The following FAF1 variants were observed in gnomAD, a reference collection of about 807,000 sequenced individuals.
FAF1 encodes FAS-associated factor 1.
A neutral mutation model predicts 92.5 loss-of-function variants in FAF1; 25 were observed. The ratio of observed to expected loss-of-function variants is 0.27; its 90% CI spans 0.20 to 0.38. The LOEUF (loss-of-function observed/expected upper bound fraction) is 0.38. Among genes scored for constraint, FAF1 ranks in the 10% least tolerant of loss-of-function variants. The pLI, the probability that FAF1 is intolerant of heterozygous loss-of-function variation, is 1.00. For synonymous variants in FAF1, 234 were observed against 273.2 expected (o/e 0.86, Z 1.42); for missense variants, 636 against 793.3 (o/e 0.80, Z 2.38).
intron 14 of FAF1, 47 bp from the exon 15 acceptor site, chr1:50,535,504 T>C (rs1648430158): frequency 9.5e-7 from 1 of 1,056,242 alleles, no homozygotes; most frequent in Non-Finnish European, 1.4e-6. Context: ...ATTTTATATA[T>C]AACTTCAAAT....
chr1:50,499,216 G>A (rs1201366841), intron 15 of FAF1, among the ~76,000 whole-genome samples: 1 of 152,114 alleles, frequency 6.6e-6, no homozygotes, highest in Non-Finnish European at 1.5e-5. Flanking sequence ...AGGGGAAGGA[G>A]AATGGGGAGT....
At chr1:50,553,094 T>C (rs1649389274) in intron 13 of FAF1, among the ~76,000 whole-genome samples, 1 of 151,560 alleles carries the variant, frequency 6.6e-6, no homozygotes, top group Admixed American at 6.6e-5. Context: ...CTAAACAGGA[T>C]GAGGAATATG....
intron 1 of FAF1, among the ~76,000 whole-genome samples, chr1:50,899,501 T>A (rs1037668438): frequency 2.0e-5 from 3 of 152,186 alleles, no homozygotes; most frequent in African/African-American, 7.2e-5. Flanking sequence ...AGAGTCTCAC[T>A]CTGTCACCCA....
In FAF1 at chr1:50,762,671, C is replaced by T. The variant is rs1660376386; in HGVS notation, c.368-17896G>A. On this transcript the variant is annotated intron_variant, in intron 4 of 18. Coordinates refer to ENST00000396153, the MANE Select transcript of FAF1 (RefSeq NM_007051.3). ...GCTGAAACTGGATCCCTCCTTACAC[C>T]TTATACAAAAATTAATTCCAGATGG... is the stretch of plus-strand genomic sequence containing the variant. Among the ~76,000 whole-genome samples the T allele has an allele frequency of 2.0e-5, 3 of 152,154 alleles. No individual in the cohort carries two copies. In the South Asian group the frequency reaches 6.2e-4, roughly 32 times the overall value.
chr1:50,890,588 C>T (rs1360908778), intron 1 of FAF1, among the ~76,000 whole-genome samples: 1 of 152,150 alleles, frequency 6.6e-6, no homozygotes, highest in Non-Finnish European at 1.5e-5. Context: ...ATTTGCTTGT[C>T]TATAAAGGAT....
intron 1 of FAF1, among the ~76,000 whole-genome samples, chr1:50,896,053 A>T (rs1258174737): frequency 6.6e-6 from 1 of 152,238 alleles, no homozygotes; most frequent in Non-Finnish European, 1.5e-5. Context: ...TAGAGCAATC[A>T]GACAAGGGAA....
chr1:50,815,073 A>C (rs937846621), intron 2 of FAF1, among the ~76,000 whole-genome samples: 5 of 152,228 alleles, frequency 3.3e-5, no homozygotes, highest in South Asian at 2.1e-4. Context: ...AGATATTTTA[A>C]AATTATTTTT....
intron 7 of FAF1, among the ~76,000 whole-genome samples, chr1:50,665,893 C>T (rs1655595946): frequency 6.6e-6 from 1 of 151,992 alleles, no homozygotes; most frequent in Non-Finnish European, 1.5e-5. Flanking sequence ...GAAAAAAGAT[C>T]AGGCCAGGTG....
chr1:50,695,106 T>C (rs1657133329), intron 7 of FAF1, among the ~76,000 whole-genome samples: 1 of 152,078 alleles, frequency 6.6e-6, no homozygotes, highest in Admixed American at 6.6e-5. Flanking sequence ...TTAACTTTCC[T>C]AAATACTTTA....
At chr1:50,608,294 C>T (rs1343890230) in intron 8 of FAF1, among the ~76,000 whole-genome samples, 1 of 152,118 alleles carries the variant, frequency 6.6e-6, no homozygotes, top group African/African-American at 2.4e-5. Flanking sequence ...TTTGCCCTGT[C>T]CCTATTTTAG....
At chr1:50,687,476 G>A (rs1656718840) in intron 7 of FAF1, among the ~76,000 whole-genome samples, 2 of 152,058 alleles carry the variant, frequency 1.3e-5, no homozygotes, top group African/African-American at 4.8e-5. Context: ...CTGGCCGGGT[G>A]CGATGGCTCA....
chr1:50,532,575 G>T (rs1648233950), intron 15 of FAF1, among the ~76,000 whole-genome samples: 1 of 152,114 alleles, frequency 6.6e-6, no homozygotes, highest in Admixed American at 6.5e-5. Context: ...AAATGTCACT[G>T]TCAATTTATA....
At chr1:50,642,422 G>T (rs549719116) in intron 8 of FAF1, among the ~76,000 whole-genome samples, 1 of 151,934 alleles carries the variant, frequency 6.6e-6, no homozygotes, top group Admixed American at 6.6e-5. Flanking sequence ...AGGCCGACGC[G>T]GGGGGATCAC....
At chr1:50,880,976 C>A (rs1209215902) in intron 1 of FAF1, among the ~76,000 whole-genome samples, 1 of 152,048 alleles carries the variant, frequency 6.6e-6, no homozygotes, top group Admixed American at 6.6e-5. Flanking sequence ...AAAAGAATTA[C>A]CTGGATATAT....
chr1:50,659,856 T>G (rs1655296424), intron 7 of FAF1, among the ~76,000 whole-genome samples: 1 of 152,210 alleles, frequency 6.6e-6, no homozygotes, highest in Admixed American at 6.5e-5. Flanking sequence ...GACAATCGTT[T>G]GCAACTGAGA....
At chr1:50,938,225 C>T (rs60048959) in intron 1 of FAF1, among the ~76,000 whole-genome samples, 10,076 of 152,242 alleles carry the variant, frequency 0.066, 408 homozygotes, top group East Asian at 0.095. Context: ...CAGGACTCTA[C>T]AGTTTCACAC....
intron 1 of FAF1, among the ~76,000 whole-genome samples, chr1:50,888,677 C>T (rs569856328): frequency 3.3e-5 from 5 of 152,208 alleles, no homozygotes; most frequent in Admixed American, 1.3e-4. Flanking sequence ...TACTGATTTG[C>T]GTATGTCGAA....
At chr1:50,748,357 C>T (rs12405249) in intron 4 of FAF1, among the ~76,000 whole-genome samples, 26 of 151,990 alleles carry the variant, frequency 1.7e-4, no homozygotes, top group African/African-American at 5.3e-4. Flanking sequence ...ATTAGCCAGG[C>T]GTGGTGGCAC....
intron 1 of FAF1, among the ~76,000 whole-genome samples, chr1:50,929,086 A>G (rs183337163): frequency 0.26 from 9,617 of 37,584 alleles, 397 homozygotes; most frequent in South Asian, 0.32. Context: ...AAAAAAAAAA[A>G]AAAGAAAGAA....
Sources: allele counts gnomAD v4.1 joint callset (sites outside exome capture counted in the v4.1 genomes callset), GRCh38; gene constraint gnomAD v4.1.1; transcripts MANE v1.5; gene names NCBI Gene and HGNC (gene_info 2026-07-23, HGNC 2026-07-21).